LRRTM4: variants seen among roughly 807,000 people sequenced by gnomAD.
The protein encoded by LRRTM4 is leucine rich repeat transmembrane neuronal 4.
In LRRTM4, 25 loss-of-function variants were observed where a neutral mutation model predicts 47.6. The ratio of observed to expected loss-of-function variants is 0.53; its 90% CI spans 0.38 to 0.73. The LOEUF (loss-of-function observed/expected upper bound fraction) is 0.73, where lower values mean the gene tolerates loss of function less well. Among genes scored for constraint, LRRTM4 ranks in the 30% least tolerant of loss-of-function variants. The probability of loss-of-function intolerance (pLI) is 0.00; values close to 1 mark genes in which losing one functional copy is unlikely to be tolerated. For missense variants in LRRTM4, 638 were observed against 713.4 expected (o/e 0.89, Z 1.20); for synonymous variants, 311 against 269.5 (o/e 1.15, Z -1.51).
At chr2:77,186,661 A>T (rs1158369111) in intron 3 of LRRTM4, among the ~76,000 whole-genome samples, 1 of 152,192 alleles carries the variant, frequency 6.6e-6, no homozygotes, top group Admixed American at 6.6e-5. Context: ...ATTATTTAGG[A>T]TGAAAACGTA....
chr2:77,286,771 C>T lies in LRRTM4; in HGVS notation c.1551+231547G>A, dbSNP rs1453243903. 2.6e-5 allele frequency among the ~76,000 whole-genome samples: 4 copies of T among 152,112 alleles called. No homozygotes were observed. The East Asian group carries it at 7.8e-4, about 30-fold the overall frequency. Reference sequence around the variant, plus strand: ...AATACAAAATATTACAATAAAAAATCTAGCTATTGTCATGTTTTTAATGAA... The same window carrying T: ...AATACAAAATATTACAATAAAAAATTTAGCTATTGTCATGTTTTTAATGAA... On this transcript the variant is annotated intron_variant, in intron 3 of 3. Transcript: ENST00000409884.
chr2:76,985,455 A>G (rs1302682990), intron 3 of LRRTM4, among the ~76,000 whole-genome samples: 2 of 151,992 alleles, frequency 1.3e-5, no homozygotes, highest in Middle Eastern at 3.2e-3. Flanking sequence ...AATAAGAAGC[A>G]ATAGGATGTC....
chr2:76,785,265 C>T (rs887526625), intron 3 of LRRTM4, among the ~76,000 whole-genome samples: 5 of 152,006 alleles, frequency 3.3e-5, no homozygotes, highest in African/African-American at 1.2e-4. Context: ...ATAATTTTCT[C>T]AAATGTGGGA....
At position 76,923,449 on chromosome 2, in the gene LRRTM4, C is replaced by CA. The variant is rs202057340; in HGVS notation, c.1552-174534dup. The stretch of plus-strand genomic sequence containing the variant: ...AAGGTAATAAATACTCAAAACTGAG[C>CA]AAAAAAAAGACAGGGTGTTAATACG... On this transcript the variant is annotated intron_variant, in intron 3 of 3. Transcript: ENST00000409884. 5.5e-4 allele frequency among the ~76,000 whole-genome samples: 83 copies of CA among 151,296 alleles called. No homozygotes were observed. In the East Asian group the frequency reaches 7.6e-3, roughly 14 times the overall value.
Position 76,998,833 on chromosome 2 carries a change from T to C in LRRTM4, c.1552-249917A>G, listed in dbSNP as rs573499001. 3.3e-5 allele frequency among the ~76,000 whole-genome samples: 5 copies of C among 151,828 alleles called. No individual in the cohort carries two copies. In the South Asian group the frequency reaches 8.4e-4, roughly 25 times the overall value. On this transcript the variant is annotated intron_variant, in intron 3 of 3. Coordinates refer to ENST00000409884, the MANE Select transcript of LRRTM4 (RefSeq NM_001134745.3). ...ATTTCTTTCAGTCAGTCCTGACTTA[T>C]AGCCCCTTTGTGGTTATGACTCATC...
At chr2:76,820,850 G>A (rs920301219) in intron 3 of LRRTM4, among the ~76,000 whole-genome samples, 2 of 151,788 alleles carry the variant, frequency 1.3e-5, no homozygotes, top group East Asian at 1.9e-4. Context: ...AGGCGCAAAA[G>A]TAGCTAGAAG....
intron 3 of LRRTM4, among the ~76,000 whole-genome samples, chr2:77,182,728 G>A (rs1020785424): frequency 1.3e-5 from 2 of 152,080 alleles, no homozygotes; most frequent in African/African-American, 2.4e-5. Flanking sequence ...AGTGGTGAGA[G>A]AGGGCATCCC....
intron 3 of LRRTM4, among the ~76,000 whole-genome samples, chr2:76,814,801 ACACATACACACAC>A (rs1376142947): frequency 1.1e-3 from 52 of 47,176 alleles, no homozygotes; most frequent in African/African-American, 5.9e-3. Context: ...AGATACACAC[ACACATACACACAC>A]ACACACACAC....
At chr2:77,004,108 A>G (rs1191386770) in intron 3 of LRRTM4, among the ~76,000 whole-genome samples, 1 of 152,198 alleles carries the variant, frequency 6.6e-6, no homozygotes, top group Non-Finnish European at 1.5e-5. Context: ...TAAAAGTTTG[A>G]AAAATTTGCA....
rs117999849 is a variant in LRRTM4, at chr2:77,472,449, G to A, written c.1551+45869C>T. On this transcript the variant is annotated intron_variant, in intron 3 of 3. Transcript: ENST00000409884. The stretch of plus-strand genomic sequence containing the variant: ...TACACTGGGACCAATGGGATAGGAT[G>A]TGCTAATTCAGTGTTCATGGACACT... Among the ~76,000 whole-genome samples the A allele has an allele frequency of 1.4e-3, 211 of 152,138 alleles. 2 individuals are homozygous for A. In the East Asian group the frequency reaches 0.035, roughly 26 times the overall value.
chr2:76,899,403 G>A lies in LRRTM4; in HGVS notation c.1552-150487C>T, dbSNP rs186616965. 4.6e-5 allele frequency among the ~76,000 whole-genome samples: 7 copies of A among 151,648 alleles called. No individual in the cohort carries two copies. The East Asian group carries it at 1.2e-3, about 25-fold the overall frequency. On this transcript the variant is annotated intron_variant, in intron 3 of 3. Transcript: ENST00000409884. ...TAATAGTGCATAAATACTATTGAGA[G>A]GTAGGGCAAAAAGTGTTGGAGGTGA...
chr2:77,407,677 A>ATTAT (rs1491232199), intron 3 of LRRTM4, among the ~76,000 whole-genome samples: 2 of 122,632 alleles, frequency 1.6e-5, no homozygotes, highest in Non-Finnish European at 3.3e-5. Context: ...ATAATTATAT[A>ATTAT]ATATTTAATA....
chr2:76,804,760 AACAAT>A (rs1476460361), intron 3 of LRRTM4, among the ~76,000 whole-genome samples: 1 of 140,660 alleles, frequency 7.1e-6, no homozygotes, highest in African/African-American at 3.0e-5. Flanking sequence ...ATTGTTTTAT[AACAAT>A]ATATATATCA....
chr2:77,342,107 A>T (rs1469516313), intron 3 of LRRTM4, among the ~76,000 whole-genome samples: 18 of 151,970 alleles, frequency 1.2e-4, no homozygotes, highest in Non-Finnish European at 1.5e-4. Flanking sequence ...AATGTACTAT[A>T]CCAATACACT....
At chr2:76,784,414 C>A (rs1464473258) in intron 3 of LRRTM4, among the ~76,000 whole-genome samples, 1 of 151,866 alleles carries the variant, frequency 6.6e-6, no homozygotes. Context: ...ACTATGCTAC[C>A]ATTAAAATAA....
intron 3 of LRRTM4, among the ~76,000 whole-genome samples, chr2:77,203,024 G>C (rs1674021211): frequency 6.6e-6 from 1 of 151,934 alleles, no homozygotes; most frequent in African/African-American, 2.4e-5. Context: ...TACTGGTCTT[G>C]ATAATTATGT....
chr2:76,875,156 A>G (rs1217710652), intron 3 of LRRTM4, among the ~76,000 whole-genome samples: 1 of 152,102 alleles, frequency 6.6e-6, no homozygotes, highest in Non-Finnish European at 1.5e-5. Context: ...ACTAAAGGAC[A>G]AATATTTTAT....
chr2:77,114,807 G>C (rs1469098813), intron 3 of LRRTM4, among the ~76,000 whole-genome samples: 1 of 152,138 alleles, frequency 6.6e-6, no homozygotes, highest in Non-Finnish European at 1.5e-5. Flanking sequence ...GGGGGTGTAT[G>C]AACAGCGAGT....
chr2:77,444,858 T>C (rs1558746547), intron 3 of LRRTM4, among the ~76,000 whole-genome samples: 1 of 151,420 alleles, frequency 6.6e-6, no homozygotes, highest in Non-Finnish European at 1.5e-5. Flanking sequence ...TATTACCTTA[T>C]TATAAATGAG....
Sources: gnomAD v4.1 joint callset for allele counts (sites outside exome capture counted in the v4.1 genomes callset) on GRCh38, gnomAD v4.1.1 for gene constraint, MANE v1.5 for transcripts, NCBI Gene and HGNC (gene_info 2026-07-23, HGNC 2026-07-21) for gene names.